TEX101: variants seen among roughly 807,000 people sequenced by gnomAD.
TEX101 encodes the protein testis-expressed protein 101.
A neutral mutation model predicts 18.1 loss-of-function variants in TEX101; 10 were observed. The observed-to-expected ratio is 0.55, with a 90% CI of 0.34 to 0.94. The LOEUF is 0.94. Among genes scored for constraint, TEX101 ranks in the 40% least tolerant of loss-of-function variants. TEX101 has a pLI of 0.02. For missense variants in TEX101, 259 were observed against 298.9 expected (o/e 0.87, Z 0.98); for synonymous variants, 94 against 114.8 (o/e 0.82, Z 1.16).
At chr19:43,404,038 CAA>C (rs1162172343) in intron 2 of TEX101, among the ~76,000 whole-genome samples, 1 of 62,992 alleles carries the variant, frequency 1.6e-5, no homozygotes, top group Admixed American at 1.9e-4. Flanking sequence ...GACTCTGGCT[CAA>C]AAAAAAAAAG....
At chr19:43,396,411 T>C in the TEX101 span, among the ~76,000 whole-genome samples, 2 of 152,250 alleles carry the variant, frequency 1.3e-5, no homozygotes, top group Non-Finnish European at 2.9e-5. Flanking sequence ...TGTAGCCTCA[T>C]CTTAAAACAA....
rs1970501168 is a variant in TEX101 at position 43,418,171 on chromosome 19, G to T, written c.524G>T (p.Gly175Val). The change falls in exon 6 of 6, where the codon GGC (glycine) becomes GTC (valine). Residue 175 changes from glycine (G) to valine (V), a missense_variant. Coordinates refer to ENST00000598265, the MANE Select transcript of TEX101 (RefSeq NM_001130011.3). ...YQGKLEITGG[G>V]IESSVEVKGC... Reference sequence around the variant, plus strand: ...CCGATCCTTCCTTGTTCTATAGGTGGCATTGAGTCGTCTGTGGAGGTCAAA... The same window carrying T: ...CCGATCCTTCCTTGTTCTATAGGTGTCATTGAGTCGTCTGTGGAGGTCAAA... 1 of 1,614,020 alleles carries T rather than the reference G, an allele frequency of 6.2e-7. No individual in the cohort carries two copies. Among genetic ancestry groups the T allele is most frequent in the African/African-American group, 1.3e-5 (1 of 74,916 alleles).
chr19:43,404,809 T>A (rs1970347332), intron 2 of TEX101, among the ~76,000 whole-genome samples: 1 of 151,576 alleles, frequency 6.6e-6, no homozygotes, highest in Admixed American at 6.6e-5. Flanking sequence ...CTCTGTTTTT[T>A]ATGTCATAAT....
chr19:43,414,906 C>A lies in TEX101; in HGVS notation c.-172C>A. The A allele has an allele frequency of 3.0e-6, 3 of 985,438 alleles. No homozygotes were observed. The highest frequency in any genetic ancestry group is 3.6e-6 in the Non-Finnish European group (3 of 829,940). 61.0% of individuals were successfully genotyped at this position (985,438 alleles called of 1,614,324 possible). A position where few individuals can be genotyped will look rare whatever the true frequency, so the allele number is the denominator to read the frequency against. The stretch of plus-strand genomic sequence containing the variant: ...TTGCGTCGTAAGAGAATGCCAAGCC[C>A]GGGGAGAAGGCGTTCCGGGCCTCAA... On this transcript the variant is annotated 5_prime_UTR_variant, in exon 1 of 6. Transcript: ENST00000598265.
chr19:43,414,370 C>T (rs532293067), upstream of TEX101, among the ~76,000 whole-genome samples: 15 of 152,202 alleles, frequency 9.9e-5, no homozygotes, highest in African/African-American at 3.6e-4. Flanking sequence ...TCCAGGAGAC[C>T]ATGAGGAGGC....
upstream of TEX101, among the ~76,000 whole-genome samples, chr19:43,396,843 T>C (rs1175732490): frequency 2.8e-5 from 4 of 142,314 alleles, no homozygotes; most frequent in Non-Finnish European, 6.1e-5. Context: ...TTTTTTTTTT[T>C]TTTTTTTTTT....
At chr19:43,408,719 A>G (rs1242354574) in intron 3 of TEX101, among the ~76,000 whole-genome samples, 1 of 151,936 alleles carries the variant, frequency 6.6e-6, no homozygotes, top group Non-Finnish European at 1.5e-5. Flanking sequence ...CCCTGGATTC[A>G]GGGAGGGCTG....
At position 43,417,504 on chromosome 19, in the gene TEX101, G is replaced by A. The variant is rs114382544; in HGVS notation, c.392-374G>A. On this transcript the variant is annotated intron_variant, in intron 4 of 5. Coordinates refer to ENST00000598265, the MANE Select transcript of TEX101 (RefSeq NM_001130011.3). ...CCTGTTCATCCTCCATGTCAATTCA[G>A]GTATCAGCTCTTTGAAAATATTTGC... Among the ~76,000 whole-genome samples the A allele has an allele frequency of 7.5e-3, 1,149 of 152,228 alleles. 12 individuals carry two copies. The highest frequency in any genetic ancestry group is 0.026 in the African/African-American group (1,095 of 41,516).
intron 2 of TEX101, chr19:43,402,953 A>C (rs1247862799): frequency 6.6e-6 from 1 of 152,202 alleles, no homozygotes; most frequent in Admixed American, 6.5e-5. Context: ...CTTTTGAGAA[A>C]ATCTTCAATT....
At chr19:43,392,049 CAG>C in the TEX101 span, among the ~76,000 whole-genome samples, 10 of 152,030 alleles carry the variant, frequency 6.6e-5, no homozygotes, top group Non-Finnish European at 1.3e-4. Flanking sequence ...TAGGGGAAAA[CAG>C]AGAGACTGAG....
intron 3 of TEX101, among the ~76,000 whole-genome samples, chr19:43,406,937 T>C (rs1335059030): frequency 1.0e-5 from 1 of 96,036 alleles, no homozygotes; most frequent in South Asian, 3.7e-4. Flanking sequence ...TTTTGTTTTT[T>C]TTTTTTTTTT....
At chr19:43,404,555 C>T (rs1970345084) in intron 2 of TEX101, among the ~76,000 whole-genome samples, 1 of 152,058 alleles carries the variant, frequency 6.6e-6, no homozygotes, top group African/African-American at 2.4e-5. Flanking sequence ...AAGAATTGTA[C>T]AATGAACCCC....
chr19:43,406,081 C>CATAAAAAAAAA (rs1970359034), intron 2 of TEX101: 1 of 58,814 alleles, frequency 1.7e-5, no homozygotes, highest in Non-Finnish European at 3.4e-5. Flanking sequence ...CCTGTCTCTA[C>CATAAAAAAAAA]AAAAAAAAAA....
upstream of TEX101, among the ~76,000 whole-genome samples, chr19:43,410,635 T>G (rs917293648): frequency 1.3e-5 from 2 of 152,034 alleles, no homozygotes; most frequent in Non-Finnish European, 2.9e-5. Flanking sequence ...TGTAATCATA[T>G]GCTGAGTACA....
the TEX101 span, among the ~76,000 whole-genome samples, chr19:43,391,035 A>G: frequency 1.3e-5 from 2 of 152,230 alleles, no homozygotes; most frequent in African/African-American, 4.8e-5. Context: ...CACTTAGCAG[A>G]AAGAGCTCAA....
rs1160565929 is a variant in TEX101 at position 43,416,514 on chromosome 19, A to G, written c.350A>G (p.Lys117Arg). The change falls in exon 4 of 6, where the codon AAA (lysine) becomes AGA (arginine). Residue 117 changes from lysine to arginine, a missense_variant. By Grantham distance (26) the Lys-to-Arg change is conservative (BLOSUM62 2). Transcript: ENST00000598265. ...NYCEDSFCND[K>R]DSLSQFWEFS... Reference sequence around the variant, plus strand: ...TGTGAGGATTCCTTCTGTAATGACAAAGACAGCCTGTCTCAGTTTTGGGAG... The same window carrying G: ...TGTGAGGATTCCTTCTGTAATGACAGAGACAGCCTGTCTCAGTTTTGGGAG... 1 of 1,614,086 alleles carries G rather than the reference A, an allele frequency of 6.2e-7. No homozygotes were observed. Among genetic ancestry groups the G allele is most frequent in the South Asian group, 1.1e-5 (1 of 91,084 alleles).
chr19:43,413,426 C>A (rs1263113474), upstream of TEX101, among the ~76,000 whole-genome samples: 2 of 149,158 alleles, frequency 1.3e-5, no homozygotes, highest in Non-Finnish European at 3.0e-5. Context: ...GGCATGAAGT[C>A]GGGAGGCAGA....
chr19:43,391,016 T>C, the TEX101 span, among the ~76,000 whole-genome samples: 3 of 152,242 alleles, frequency 2.0e-5, no homozygotes, highest in Non-Finnish European at 4.4e-5. Flanking sequence ...TTTTTGAGTC[T>C]GATTATTTCA....
chr19:43,394,959 T>C, the TEX101 span, among the ~76,000 whole-genome samples: 1 of 152,158 alleles, frequency 6.6e-6, no homozygotes, highest in South Asian at 2.1e-4. Flanking sequence ...TAACAAAAGA[T>C]CAATTTTAAA....
Sources: allele counts gnomAD v4.1 joint callset (sites outside exome capture counted in the v4.1 genomes callset), GRCh38; gene constraint gnomAD v4.1.1; transcripts MANE v1.5; gene names NCBI Gene and HGNC (gene_info 2026-07-23, HGNC 2026-07-21).